Variants in TSPAN9 observed in about 807,000 individuals in gnomAD.
The protein encoded by TSPAN9 is tetraspanin 9, also known as tetraspanin-9.
Under a neutral mutation model 31.0 loss-of-function variants are expected in TSPAN9, and 16 were observed. The observed-to-expected ratio is 0.52, with a 90% confidence interval of 0.35 to 0.78. The LOEUF is 0.78. Ranked by LOEUF, TSPAN9 falls within the 30% of genes least tolerant of loss-of-function variation. TSPAN9 has a pLI of 0.01. For missense variants in TSPAN9, 272 were observed against 312.5 expected (o/e 0.87, Z 0.98); for synonymous variants, 145 against 121.6 (o/e 1.19, Z -1.27).
chr12:3,277,558 GA>G (rs1429120219), intron 3 of TSPAN9, among the ~76,000 whole-genome samples: 1 of 152,246 alleles, frequency 6.6e-6, no homozygotes, highest in Admixed American at 6.5e-5. Context: ...TTCACTGATT[GA>G]TTGGCTCCTC....
At chr12:3,260,135 G>T (rs1230452527) in intron 3 of TSPAN9, among the ~76,000 whole-genome samples, 4 of 152,256 alleles carry the variant, frequency 2.6e-5, no homozygotes, top group Non-Finnish European at 5.9e-5. Flanking sequence ...TCCCAGGCAG[G>T]GCTGCCCACT....
chr12:3,186,906 G>T (rs1177231385), intron 2 of TSPAN9, among the ~76,000 whole-genome samples: 1 of 152,178 alleles, frequency 6.6e-6, no homozygotes. Flanking sequence ...AGATGGGTTT[G>T]TTACAGTTGT....
At position 3,174,696 on chromosome 12, in the gene TSPAN9, C is replaced by T. The variant is rs560974802; in HGVS notation, c.-17-26481C>T. Among the ~76,000 whole-genome samples the T allele has an allele frequency of 1.8e-4, 27 of 151,934 alleles. No homozygotes were observed. In the East Asian group the frequency reaches 2.1e-3, roughly 12 times the overall value. ...CTCCCGGGTTCGCGCCATTCTCCTGCCTCAGCCTCCCGAGTAGCTGGGACT... is the reference window on the plus strand; with the variant it reads ...CTCCCGGGTTCGCGCCATTCTCCTGTCTCAGCCTCCCGAGTAGCTGGGACT... On this transcript the variant is annotated intron_variant, in intron 2 of 8. Transcript: ENST00000011898.
At chr12:3,122,969 G>C (rs1328025413) in intron 2 of TSPAN9, among the ~76,000 whole-genome samples, 2 of 152,192 alleles carry the variant, frequency 1.3e-5, no homozygotes, top group African/African-American at 4.8e-5. Context: ...TTTGGACAGT[G>C]GATGCTTCAG....
At chr12:3,138,287 G>A (rs527561290) in intron 2 of TSPAN9, among the ~76,000 whole-genome samples, 4 of 152,306 alleles carry the variant, frequency 2.6e-5, no homozygotes, top group African/African-American at 9.6e-5. Context: ...TGGCTGGGAA[G>A]TGCAGGGCCC....
intron 2 of TSPAN9, among the ~76,000 whole-genome samples, chr12:3,100,935 A>G (rs534006751): frequency 2.0e-5 from 3 of 152,372 alleles, no homozygotes; most frequent in Non-Finnish European, 2.9e-5. Flanking sequence ...GGAAGACAAT[A>G]TAAGTGAACC....
Position 3,143,891 on chromosome 12 carries a change from A to G in TSPAN9, c.-17-57286A>G, listed in dbSNP as rs1234154786. 2.0e-5 allele frequency among the ~76,000 whole-genome samples: 3 copies of G among 152,168 alleles called. No homozygotes were observed. The highest frequency in any genetic ancestry group is 4.4e-5 in the Non-Finnish European group (3 of 68,034). ...GAGCTCTGCTTCTTTTTGCTGGAGC[A>G]TGGTGTTTAGAAACCAAGATCTAGG... is the stretch of plus-strand genomic sequence containing the variant. On this transcript the variant is annotated intron_variant, in intron 2 of 8. Transcript: ENST00000011898. This position sits in a 1 kb window ranked among gnomAD's most constrained non-coding sequence, Gnocchi z 4.2.
At chr12:3,119,177 G>C (rs1039975535) in intron 2 of TSPAN9, among the ~76,000 whole-genome samples, 1 of 152,176 alleles carries the variant, frequency 6.6e-6, no homozygotes, top group Admixed American at 6.5e-5. Context: ...TCTGCCCTCA[G>C]GATGCTTATA....
In TSPAN9 at chr12:3,170,453, A is replaced by G. The variant is rs1458718144; in HGVS notation, c.-17-30724A>G. Among the ~76,000 whole-genome samples, 1 of 152,208 alleles carries G rather than the reference A, an allele frequency of 6.6e-6. No individual in the cohort carries two copies. The highest frequency in any genetic ancestry group is 1.5e-5 in the Non-Finnish European group (1 of 68,038). ...GGAAGAAACTCAGACTCCAAAGGCA[A>G]ACCTTATAATTAAAAGACTTTTAGA... On this transcript the variant is annotated intron_variant, in intron 2 of 8. Coordinates refer to ENST00000011898, the MANE Select transcript of TSPAN9 (RefSeq NM_006675.5). This position sits in a 1 kb window ranked among gnomAD's most constrained non-coding sequence, Gnocchi z 4.4.
chr12:3,111,122 A>C (rs2098318413), intron 2 of TSPAN9, among the ~76,000 whole-genome samples: 1 of 152,164 alleles, frequency 6.6e-6, no homozygotes, highest in African/African-American at 2.4e-5. Flanking sequence ...CATTTGTGGC[A>C]CAACGGTGTA....
rs577492265 is a variant in TSPAN9, at chr12:3,225,766, G to A, written c.63+24510G>A. ...ATTTTTTTTTTTTCAAATAGGTTTC[G>A]TATATCAGAGGGTCTTGTGACTAGG... On this transcript the variant is annotated intron_variant, in intron 3 of 8. Transcript: ENST00000011898. Among the ~76,000 whole-genome samples, 19 of 151,668 alleles carry A rather than the reference G, an allele frequency of 1.3e-4. No individual in the cohort carries two copies. The South Asian group carries it at 2.9e-3, about 23-fold the overall frequency.
intron 2 of TSPAN9, among the ~76,000 whole-genome samples, chr12:3,188,204 A>G (rs562847066): frequency 2.6e-5 from 4 of 152,180 alleles, no homozygotes; most frequent in African/African-American, 9.6e-5. Flanking sequence ...ACCCCATTAT[A>G]CTGATGAGGA....
chr12:3,242,772 C>CA (rs2098397265), intron 3 of TSPAN9, among the ~76,000 whole-genome samples: 1 of 152,236 alleles, frequency 6.6e-6, no homozygotes, highest in African/African-American at 2.4e-5. Flanking sequence ...ATTGCCCCCT[C>CA]TCAGGGCCTA....
chr12:3,205,619 T>C (rs1212263312), intron 3 of TSPAN9, among the ~76,000 whole-genome samples: 2 of 151,956 alleles, frequency 1.3e-5, no homozygotes, highest in African/African-American at 4.8e-5. Flanking sequence ...GTGAGTGGGC[T>C]CAAGGGTCCC....
At chr12:3,171,353 C>T (rs1261822097) in intron 2 of TSPAN9, among the ~76,000 whole-genome samples, 1 of 152,172 alleles carries the variant, frequency 6.6e-6, no homozygotes, top group Non-Finnish European at 1.5e-5. Context: ...CATGACTAAT[C>T]CGTAATCCAC....
intron 3 of TSPAN9, among the ~76,000 whole-genome samples, chr12:3,205,217 G>A (rs2098374340): frequency 6.6e-6 from 1 of 152,330 alleles, no homozygotes; most frequent in South Asian, 2.1e-4. Flanking sequence ...TTAAATTATG[G>A]CTGGCAGAGC....
chr12:3,123,434 G>A (rs970610826), intron 2 of TSPAN9, among the ~76,000 whole-genome samples: 1 of 152,132 alleles, frequency 6.6e-6, no homozygotes, highest in African/African-American at 2.4e-5. Context: ...TCCCAAGCCT[G>A]GCATTGCCAG....
chr12:3,279,702 C>T (rs1267251979), intron 5 of TSPAN9, among the ~76,000 whole-genome samples: 1 of 152,180 alleles, frequency 6.6e-6, no homozygotes, highest in African/African-American at 2.4e-5. Flanking sequence ...GTGTAAGGAG[C>T]AGTTCTTGAA....
At chr12:3,249,621 C>G (rs1591705311) in intron 3 of TSPAN9, among the ~76,000 whole-genome samples, 1 of 152,198 alleles carries the variant, frequency 6.6e-6, no homozygotes, top group Admixed American at 6.5e-5. Context: ...TCGGAATGGA[C>G]TGTGGTTAGG....
Sources: gnomAD v4.1 joint callset for allele counts (sites outside exome capture counted in the v4.1 genomes callset) on GRCh38, gnomAD v4.1.1 for gene constraint, Gnocchi (gnomAD v3.1) non-coding constraint, MANE v1.5 for transcripts, NCBI Gene and HGNC (gene_info 2026-07-23, HGNC 2026-07-21) for gene names.